The following PDS5B variants were observed in gnomAD, a reference collection of about 807,000 sequenced individuals.
PDS5B encodes sister chromatid cohesion protein PDS5 homolog B.
Under a neutral mutation model 184.1 loss-of-function variants are expected in PDS5B, and 51 were observed. The observed-to-expected ratio is 0.28, with a 90% CI of 0.22 to 0.35. The LOEUF (loss-of-function observed/expected upper bound fraction) is 0.35. PDS5B is among the 10% of genes least tolerant of loss of function. The probability of loss-of-function intolerance (pLI) is 1.00; values close to 1 mark genes in which losing one functional copy is unlikely to be tolerated. For synonymous variants in PDS5B, 566 were observed against 569.2 expected, an observed-to-expected ratio of 0.99 and a Z score of 0.08; for missense variants, 1,180 against 1,723.3, an observed-to-expected ratio of 0.68 and a Z score of 5.58.
chr13:32,707,157 C>A, intron 18 of PDS5B, 118 bp downstream of exon 18: 1 of 534,772 alleles, frequency 1.9e-6, no homozygotes, highest in Non-Finnish European at 3.2e-6. Flanking sequence ...AAAATTTTCT[C>A]AGTTGTTTTA....
chr13:32,720,630 T>G (rs1952638787), intron 19 of PDS5B, among the ~76,000 whole-genome samples: 2 of 150,822 alleles, frequency 1.3e-5, no homozygotes, highest in South Asian at 4.1e-4. Context: ...TTTATTTATT[T>G]TATTATTTTT....
At chr13:32,764,441 G>A (rs1025216885) in intron 30 of PDS5B, 48 bp from the exon 31 acceptor site, 2 of 1,189,856 alleles carry the variant, frequency 1.7e-6, no homozygotes, top group Non-Finnish European at 2.3e-6. Context: ...GAAAAAGCTT[G>A]TAAGGTTATT....
chr13:32,655,935 C>T (rs1213879641), intron 3 of PDS5B, among the ~76,000 whole-genome samples: 1 of 152,142 alleles, frequency 6.6e-6, no homozygotes, highest in East Asian at 1.9e-4. Context: ...CCTAGGTCAT[C>T]TTCCAGGGAT....
At chr13:32,644,403 C>T (rs1328609381) in intron 1 of PDS5B, among the ~76,000 whole-genome samples, 3 of 152,128 alleles carry the variant, frequency 2.0e-5, no homozygotes, top group Admixed American at 6.5e-5. Context: ...TTTTACTTTT[C>T]ATCCTTGCTA....
At chr13:32,663,000 AC>A (rs1301628880) in intron 6 of PDS5B, among the ~76,000 whole-genome samples, 15 of 152,144 alleles carry the variant, frequency 9.9e-5, no homozygotes, top group Non-Finnish European at 2.2e-4. Context: ...AGAAAATATA[AC>A]CTGGCAAATT....
chr13:32,609,386 G>A (rs2058107442), intron 1 of PDS5B, among the ~76,000 whole-genome samples: 1 of 152,028 alleles, frequency 6.6e-6, no homozygotes, highest in African/African-American at 2.4e-5. Flanking sequence ...ACTTATTAGA[G>A]TTCTTACTTC....
intron 14 of PDS5B, among the ~76,000 whole-genome samples, chr13:32,694,587 A>G (rs1376596979): frequency 6.6e-6 from 1 of 151,910 alleles, no homozygotes; most frequent in African/African-American, 2.4e-5. Context: ...ACAATAACTC[A>G]GCATTATTGA....
At chr13:32,714,680 C>T (rs886295404) in intron 19 of PDS5B, among the ~76,000 whole-genome samples, 7 of 152,172 alleles carry the variant, frequency 4.6e-5, no homozygotes, top group African/African-American at 1.7e-4. Flanking sequence ...AAATACGGCT[C>T]TGTTATGCCT....
intron 1 of PDS5B, among the ~76,000 whole-genome samples, chr13:32,629,136 A>G (rs942591601): frequency 3.9e-5 from 6 of 152,210 alleles, no homozygotes; most frequent in South Asian, 4.1e-4. Context: ...CCATCACTCA[A>G]TTCAGCCAGA....
rs1016936645 is a variant in PDS5B, at chr13:32,701,117, T to C, written c.1741-206T>C. 8 of 438,202 alleles carry C rather than the reference T, an allele frequency of 1.8e-5. No homozygotes were observed. In the East Asian group the frequency reaches 3.1e-4, roughly 17 times the overall value. 27.1% of individuals were successfully genotyped at this position (438,202 alleles called of 1,614,324 possible). A position where few individuals can be genotyped will look rare whatever the true frequency, so the allele number is the denominator to read the frequency against. On this transcript the variant is annotated intron_variant, in intron 16 of 34. Coordinates refer to ENST00000315596, the MANE Select transcript of PDS5B (RefSeq NM_015032.4). ...TTTCAATACAGTGTATTGACTAGTCTACCTTTTCCCTGATTACTTGAAATA... is the reference window on the plus strand; with the variant it reads ...TTTCAATACAGTGTATTGACTAGTCCACCTTTTCCCTGATTACTTGAAATA...
chr13:32,687,501 A>G (rs1392153213), intron 12 of PDS5B, among the ~76,000 whole-genome samples: 1 of 152,130 alleles, frequency 6.6e-6, no homozygotes, highest in Non-Finnish European at 1.5e-5. Context: ...TTTACGTTCC[A>G]TTTTCATATA....
At chr13:32,746,587 T>C (rs1357248830) in intron 24 of PDS5B, among the ~76,000 whole-genome samples, 1 of 152,242 alleles carries the variant, frequency 6.6e-6, no homozygotes, top group Non-Finnish European at 1.5e-5. Flanking sequence ...CAGAGCCTTC[T>C]TGTGCTTTGG....
At chr13:32,597,165 C>G (rs1470889948) in intron 1 of PDS5B, among the ~76,000 whole-genome samples, 1 of 151,796 alleles carries the variant, frequency 6.6e-6, no homozygotes, top group Non-Finnish European at 1.5e-5. Context: ...TCCTGAGTAG[C>G]TGGGTCTACA....
At position 32,764,479 on chromosome 13, in the gene PDS5B, G is replaced by A. The variant is rs1025823421; in HGVS notation, c.3519-10G>A. 1 of 1,490,138 alleles carries A rather than the reference G, an allele frequency of 6.7e-7. No homozygotes were observed. Among genetic ancestry groups the A allele is most frequent in the Non-Finnish European group, 9.2e-7 (1 of 1,083,592 alleles). 92.3% of individuals were successfully genotyped at this position (1,490,138 alleles called of 1,614,324 possible). ...ATTGTAATAACAATTACAAATGTCT[G>A]TATTAAAAGGCTTGATAGTTCTGAA... On this transcript the variant is annotated splice_polypyrimidine_tract_variant and intron_variant, in intron 30 of 34. Transcript: ENST00000315596.
chr13:32,704,341 G>T (rs1951945841), intron 17 of PDS5B, among the ~76,000 whole-genome samples: 2 of 152,046 alleles, frequency 1.3e-5, no homozygotes, highest in African/African-American at 2.4e-5. Flanking sequence ...GCTAATTTTT[G>T]TATTTTTAGT....
At chr13:32,658,559 A>G (rs1950571504) in intron 5 of PDS5B, 28 bp downstream of exon 5, 1 of 1,188,432 alleles carries the variant, frequency 8.4e-7, no homozygotes. Context: ...AGTATGTAAC[A>G]TTAAAAAAAG....
chr13:32,648,477 T>C (rs1950282181), intron 1 of PDS5B, among the ~76,000 whole-genome samples: 3 of 152,192 alleles, frequency 2.0e-5, no homozygotes, highest in Admixed American at 6.5e-5. Flanking sequence ...TTTTTATTTT[T>C]CTCTAGCTTA....
intron 19 of PDS5B, among the ~76,000 whole-genome samples, chr13:32,722,997 A>T (rs1414720306): frequency 1.3e-5 from 2 of 152,256 alleles, no homozygotes; most frequent in Non-Finnish European, 2.9e-5. Context: ...TTTAAAGCTC[A>T]GAGAGAGTAT....
chr13:32,738,426 A>G (rs1953416861), intron 21 of PDS5B, among the ~76,000 whole-genome samples: 1 of 152,174 alleles, frequency 6.6e-6, no homozygotes, highest in South Asian at 2.1e-4. Context: ...CCCAATGTGC[A>G]TTTCTGTGGT....
Sources: allele counts gnomAD v4.1 joint callset (sites outside exome capture counted in the v4.1 genomes callset), GRCh38; gene constraint gnomAD v4.1.1; transcripts MANE v1.5; gene names NCBI Gene and HGNC (gene_info 2026-07-23, HGNC 2026-07-21).